The following ADGRL3 variants were observed in gnomAD, a reference collection of about 807,000 sequenced individuals.
ADGRL3 encodes calcium-independent alpha-latrotoxin receptor 3.
Under a neutral mutation model 153.5 loss-of-function variants are expected in ADGRL3, and 62 were observed. The ratio of observed to expected loss-of-function variants is 0.40; its 90% confidence interval spans 0.33 to 0.50. ADGRL3 has a LOEUF of 0.50. Among genes scored for constraint, ADGRL3 ranks in the 20% least tolerant of loss-of-function variants. ADGRL3 has a pLI of 0.47. For missense variants in ADGRL3, 1,641 were observed against 1,859.4 expected (o/e 0.88, Z 2.16); for synonymous variants, 710 against 672.5 (o/e 1.06, Z -0.86).
chr4:61,444,019 G>A (rs1267743939), intron 2 of ADGRL3, among the ~76,000 whole-genome samples: 1 of 152,132 alleles, frequency 6.6e-6, no homozygotes, highest in Non-Finnish European at 1.5e-5. Flanking sequence ...AACAATGACA[G>A]GAATGTATTT....
intron 5 of ADGRL3, among the ~76,000 whole-genome samples, chr4:61,644,785 G>T (rs558511100): frequency 3.3e-5 from 5 of 152,210 alleles, no homozygotes; most frequent in African/African-American, 9.6e-5. Context: ...GAGAGTTCTG[G>T]AGATGTCTAT....
At chr4:61,746,587 C>G (rs376341961) in intron 8 of ADGRL3, among the ~76,000 whole-genome samples, 3 of 152,144 alleles carry the variant, frequency 2.0e-5, no homozygotes, top group Non-Finnish European at 4.4e-5. Context: ...GGAAACTGAA[C>G]AACCTGCTCC....
At chr4:61,303,659 G>A (rs768663779) in intron 1 of ADGRL3, among the ~76,000 whole-genome samples, 32 of 152,062 alleles carry the variant, frequency 2.1e-4, no homozygotes, top group Non-Finnish European at 3.7e-4. Flanking sequence ...ATTTCAGGTG[G>A]CATCATTAAG....
intron 1 of ADGRL3, among the ~76,000 whole-genome samples, chr4:61,309,267 G>A (rs569786426): frequency 6.6e-6 from 1 of 152,228 alleles, no homozygotes; most frequent in East Asian, 1.9e-4. Flanking sequence ...CCGAGGTCAG[G>A]ACATCTGGTA....
intron 4 of ADGRL3, among the ~76,000 whole-genome samples, chr4:61,571,518 A>G (rs889439495): frequency 6.6e-6 from 1 of 151,880 alleles, no homozygotes; most frequent in African/African-American, 2.4e-5. Flanking sequence ...CAAAAAATAA[A>G]ACATAAAAAG....
At chr4:61,456,649 T>C (rs1368933266) in intron 2 of ADGRL3, among the ~76,000 whole-genome samples, 5 of 151,336 alleles carry the variant, frequency 3.3e-5, no homozygotes, top group East Asian at 1.9e-4. Flanking sequence ...CAAAATGATA[T>C]GTGGCTCGGA....
At chr4:61,500,287 G>A (rs1403108858) in intron 3 of ADGRL3, among the ~76,000 whole-genome samples, 1 of 151,978 alleles carries the variant, frequency 6.6e-6, no homozygotes, top group Non-Finnish European at 1.5e-5. Flanking sequence ...TTAAAACTTT[G>A]TACCTGAGAA....
At chr4:61,945,781 G>C in intron 15 of ADGRL3, among the ~76,000 whole-genome samples, 1 of 151,808 alleles carries the variant, frequency 6.6e-6, no homozygotes, top group Non-Finnish European at 1.5e-5. Context: ...GCAATGCCTC[G>C]CCCTGCTTCG....
rs191717322 is a variant in ADGRL3, at chr4:61,278,188, T to G, written c.-240+76423T>G. Among the ~76,000 whole-genome samples the G allele has an allele frequency of 3.7e-3, 557 of 152,292 alleles. 1 individual carries two copies. The highest frequency in any genetic ancestry group is 6.5e-3 in the Non-Finnish European group (444 of 68,016). On this transcript the variant is annotated intron_variant, in intron 1 of 26. Transcript: ENST00000683033. ...TATAACTGGCTTTGGCTGCCTATAG[T>G]TATGTCATGAATCATGTTTATATGT...
At chr4:61,348,371 G>A (rs2095968458) in intron 1 of ADGRL3, among the ~76,000 whole-genome samples, 1 of 151,894 alleles carries the variant, frequency 6.6e-6, no homozygotes, top group Non-Finnish European at 1.5e-5. Context: ...AAATCACAGT[G>A]TGCTTTTTTA....
chr4:62,012,401 C>T (rs555389080), intron 21 of ADGRL3, among the ~76,000 whole-genome samples: 1 of 152,270 alleles, frequency 6.6e-6, no homozygotes, highest in South Asian at 2.1e-4. Context: ...TTACTATGTG[C>T]TAGGCACTGT....
chr4:61,985,623 G>A (rs2099082423), intron 19 of ADGRL3, among the ~76,000 whole-genome samples: 1 of 152,156 alleles, frequency 6.6e-6, no homozygotes. Flanking sequence ...TCTCAGAAGT[G>A]AGGATTCATA....
At chr4:61,234,781 A>G (rs544377208) in intron 1 of ADGRL3, among the ~76,000 whole-genome samples, 2 of 152,234 alleles carry the variant, frequency 1.3e-5, no homozygotes, top group African/African-American at 2.4e-5. Context: ...CAGTAGGATG[A>G]TGACCGAATG....
chr4:61,692,704 A>C (rs966928791), intron 6 of ADGRL3, among the ~76,000 whole-genome samples: 1 of 152,234 alleles, frequency 6.6e-6, no homozygotes, highest in African/African-American at 2.4e-5. Context: ...GGGTCTCCAA[A>C]AGTGCTTGGA....
chr4:61,726,747 G>GA (rs1385644099), intron 6 of ADGRL3, among the ~76,000 whole-genome samples: 1 of 151,858 alleles, frequency 6.6e-6, no homozygotes, highest in South Asian at 2.1e-4. Context: ...ACATTGCAAG[G>GA]AAAAAAATTG....
intron 1 of ADGRL3, among the ~76,000 whole-genome samples, chr4:61,271,238 A>C (rs960523440): frequency 6.6e-6 from 1 of 151,892 alleles, no homozygotes; most frequent in African/African-American, 2.4e-5. Context: ...TATAGCATTG[A>C]ATGTCTAAGG....
chr4:61,449,106 A>G (rs973603961), intron 2 of ADGRL3, among the ~76,000 whole-genome samples: 11 of 151,740 alleles, frequency 7.2e-5, no homozygotes, highest in African/African-American at 2.7e-4. Flanking sequence ...CTGTCCTTTT[A>G]TTTTTTCCTT....
intron 9 of ADGRL3, among the ~76,000 whole-genome samples, chr4:61,818,414 T>C (rs1050561308): frequency 2.6e-5 from 4 of 152,180 alleles, no homozygotes; most frequent in African/African-American, 9.7e-5. Context: ...TGAGCTGGCA[T>C]TGAGCATCTG....
At chr4:61,541,705 C>T (rs911730880) in intron 4 of ADGRL3, among the ~76,000 whole-genome samples, 4 of 152,078 alleles carry the variant, frequency 2.6e-5, no homozygotes, top group African/African-American at 7.2e-5. Flanking sequence ...AAAGATAATT[C>T]GTTGATTATC....
Sources: gnomAD v4.1 joint callset for allele counts (sites outside exome capture counted in the v4.1 genomes callset) on GRCh38, gnomAD v4.1.1 for gene constraint, MANE v1.5 for transcripts, NCBI Gene and HGNC (gene_info 2026-07-23, HGNC 2026-07-21) for gene names.